Variants in PRRG1 observed in about 807,000 individuals in gnomAD.
PRRG1 encodes the protein proline rich and Gla domain 1.
A neutral mutation model predicts 11.8 loss-of-function variants in PRRG1; 5 were observed. The observed-to-expected ratio is 0.42, with a 90% CI of 0.22 to 0.89. The LOEUF is 0.89. Among genes scored for constraint, PRRG1 ranks in the 40% least tolerant of loss-of-function variants. The pLI, the probability that PRRG1 is intolerant of heterozygous loss-of-function variation, is 0.28. For synonymous variants in PRRG1, 66 were observed against 60.4 expected, an observed-to-expected ratio of 1.09 and a Z score of -0.43; for missense variants, 155 against 166.1, an observed-to-expected ratio of 0.93 and a Z score of 0.37.
chrX:37,402,947 T>G (rs1556380873), intron 1 of PRRG1, among the ~76,000 whole-genome samples: 1 of 111,450 alleles, frequency 9.0e-6, no homozygotes. Flanking sequence ...CTCACACCAC[T>G]TAGAATGGCA....
At chrX:37,409,992 A>G (rs962391462) in intron 2 of PRRG1, among the ~76,000 whole-genome samples, 1 of 112,117 alleles carries the variant, frequency 8.9e-6, no homozygotes, top group East Asian at 2.8e-4. Flanking sequence ...TTTATGTGAC[A>G]TGAAGGATTA....
intron 3 of PRRG1, among the ~76,000 whole-genome samples, chrX:37,434,506 C>T (rs1455033929): frequency 1.8e-5 from 2 of 111,940 alleles, no homozygotes; most frequent in Non-Finnish European, 3.8e-5. Context: ...CTCAATAAAG[C>T]TGAGTTGTCA....
chrX:37,436,478 C>A (rs150655941), intron 3 of PRRG1, among the ~76,000 whole-genome samples: 226 of 111,909 alleles, frequency 2.0e-3, no homozygotes, highest in Middle Eastern at 4.6e-3. Context: ...GAATTCAGAG[C>A]CCATGGCAGG....
chrX:37,378,117 C>A (rs1043267862), intron 1 of PRRG1, among the ~76,000 whole-genome samples: 28 of 111,995 alleles, frequency 2.5e-4, no homozygotes, highest in Non-Finnish European at 4.7e-4. Flanking sequence ...ATGAATGTCA[C>A]CCACAGAATT....
At chrX:37,434,721 AAATAT>A (rs1324205059) in intron 3 of PRRG1, among the ~76,000 whole-genome samples, 2 of 111,877 alleles carry the variant, frequency 1.8e-5, no homozygotes, top group Non-Finnish European at 3.8e-5. Context: ...AACTTTCAAT[AAATAT>A]AATTTATTCT....
intron 2 of PRRG1, among the ~76,000 whole-genome samples, chrX:37,425,106 T>C (rs1556388058): frequency 9.0e-6 from 1 of 111,154 alleles, no homozygotes; most frequent in Non-Finnish European, 1.9e-5. Flanking sequence ...AACATCTTAT[T>C]TTTTATTTTT....
At position 37,402,662 on chromosome X, in the gene PRRG1, A is replaced by G. The variant is rs185493318; in HGVS notation, c.-41-3547A>G. On this transcript the variant is annotated intron_variant, in intron 1 of 3. Transcript: ENST00000378628. The stretch of plus-strand genomic sequence containing the variant: ...TCTAATTAAACTAAAGAGCTTCTGC[A>G]CAGCAACAGAAACTACCATCAGAGT... Among the ~76,000 whole-genome samples, 369 of 112,061 alleles carry G rather than the reference A, an allele frequency of 3.3e-3. 2 individuals are homozygous for G. The highest frequency in any genetic ancestry group is 0.011 in the African/African-American group (348 of 30,853).
At chrX:37,406,187 G>A in intron 1 of PRRG1, 22 bp from the exon 2 acceptor site, 2 of 1,204,186 alleles carry the variant, frequency 1.7e-6, no homozygotes, top group Non-Finnish European at 2.2e-6. Flanking sequence ...CTGACTGTGT[G>A]TATGTGCTCT....
intron 1 of PRRG1, among the ~76,000 whole-genome samples, chrX:37,394,540 C>A (rs1931652358): frequency 8.9e-6 from 1 of 111,921 alleles, no homozygotes; most frequent in Admixed American, 9.5e-5. Flanking sequence ...CCTAATTAAC[C>A]ATGAGAGAGC....
At position 37,397,977 on chromosome X, in the gene PRRG1, AACACACACACAC is replaced by A. The variant is rs782125904; in HGVS notation, c.-41-8204_-41-8193del. Among the ~76,000 whole-genome samples, 338 of 83,995 alleles carry A rather than the reference AACACACACACAC, an allele frequency of 4.0e-3. 2 individuals are homozygous for A. The highest frequency in any genetic ancestry group is 0.015 in the African/African-American group (317 of 20,776). 72.9% of individuals were successfully genotyped at this position (83,995 alleles called of 115,157 possible). A position where few individuals can be genotyped will look rare whatever the true frequency, so the allele number is the denominator to read the frequency against. On this transcript the variant is annotated intron_variant, in intron 1 of 3. Transcript: ENST00000378628. The stretch of plus-strand genomic sequence containing the variant: ...TGCTGCTTACAGAAGTATAAAAACT[AACACACACACAC>A]ACACACACACACACACACACACACA...
intron 3 of PRRG1, among the ~76,000 whole-genome samples, chrX:37,443,615 G>A (rs782289148): frequency 9.0e-6 from 1 of 111,545 alleles, no homozygotes; most frequent in East Asian, 2.8e-4. Flanking sequence ...CCAGACCATG[G>A]CCCCCAGTGT....
At chrX:37,360,391 A>AT (rs1262668172) in intron 1 of PRRG1, among the ~76,000 whole-genome samples, 2 of 111,659 alleles carry the variant, frequency 1.8e-5, no homozygotes, top group Admixed American at 9.5e-5. Flanking sequence ...TTCTCTTGGG[A>AT]TTTTTTTCTT....
chrX:37,386,269 A>G (rs929418156), intron 1 of PRRG1, among the ~76,000 whole-genome samples: 2 of 111,869 alleles, frequency 1.8e-5, no homozygotes, highest in Non-Finnish European at 3.8e-5. Context: ...ATCCTTTTTT[A>G]TTTTTTGATT....
chrX:37,455,003 T>G lies in PRRG1; in HGVS notation c.*1382T>G, dbSNP rs1921296942. 1 of 111,823 alleles carries G rather than the reference T, an allele frequency of 8.9e-6. No individual in the cohort carries two copies. The highest frequency in any genetic ancestry group is 9.5e-5 in the Admixed American group (1 of 10,523). 9.2% of individuals were successfully genotyped at this position (111,823 alleles called of 1,213,427 possible). ...GTACCACTTCCAAACTTTTCAGCGT[T>G]GGATAAAATGATTGATGAGGCAGGC... is the stretch of plus-strand genomic sequence containing the variant. On this transcript the variant is annotated 3_prime_UTR_variant, in exon 4 of 4. Coordinates refer to ENST00000378628, the MANE Select transcript of PRRG1 (RefSeq NM_001142395.2).
At chrX:37,444,218 C>G (rs1933034000) in intron 3 of PRRG1, among the ~76,000 whole-genome samples, 2 of 111,969 alleles carry the variant, frequency 1.8e-5, no homozygotes, top group South Asian at 7.5e-4. Flanking sequence ...GATCTCTCCC[C>G]TCTCTGACTT....
chrX:37,387,987 A>G (rs781911957), intron 1 of PRRG1, among the ~76,000 whole-genome samples: 2 of 112,211 alleles, frequency 1.8e-5, no homozygotes, highest in African/African-American at 6.5e-5. Context: ...AAATCAATCA[A>G]AAGAAAGGGG....
At chrX:37,350,812 C>T (rs2146912997) in intron 1 of PRRG1, among the ~76,000 whole-genome samples, 1 of 111,212 alleles carries the variant, frequency 9.0e-6, no homozygotes, top group East Asian at 2.8e-4. Flanking sequence ...CCGCCCAACC[C>T]CCACCCCTGC....
intron 2 of PRRG1, among the ~76,000 whole-genome samples, chrX:37,416,536 C>T (rs782108704): frequency 8.9e-6 from 1 of 111,747 alleles, no homozygotes. Flanking sequence ...CCGCAAACAT[C>T]AAGACTACTG....
rs186483134 is a variant in PRRG1 at position 37,362,697 on chromosome X, C to T, written c.-42+13302C>T. ...GGTCAGACCATCATATTGTCTTTGT[C>T]TACTTGGTTTCTGGTTGGTTCCCAC... is the stretch of plus-strand genomic sequence containing the variant. On this transcript the variant is annotated intron_variant, in intron 1 of 3. Transcript: ENST00000378628. 9.8e-5 allele frequency among the ~76,000 whole-genome samples: 11 copies of T among 111,717 alleles called. No homozygotes were observed. In the East Asian group the frequency reaches 2.2e-3, roughly 23 times the overall value.
Sources: allele counts gnomAD v4.1 joint callset (sites outside exome capture counted in the v4.1 genomes callset), GRCh38; gene constraint gnomAD v4.1.1; transcripts MANE v1.5; gene names NCBI Gene and HGNC (gene_info 2026-07-23, HGNC 2026-07-21).